Variants in BRINP3 observed in about 807,000 individuals in gnomAD.
BRINP3 encodes the protein BMP/retinoic acid inducible neural specific 3.
In BRINP3, 19 loss-of-function variants were observed where a neutral mutation model predicts 71.0. That is an observed-to-expected ratio of 0.27 (90% CI 0.19 to 0.39). BRINP3 has a LOEUF of 0.39. Among genes scored for constraint, BRINP3 ranks in the 10% least tolerant of loss-of-function variants. BRINP3 has a pLI of 1.00. For synonymous variants in BRINP3, 380 were observed against 337.7 expected, an observed-to-expected ratio of 1.13 and a Z score of -1.37; for missense variants, 959 against 940.8, an observed-to-expected ratio of 1.02 and a Z score of -0.25.
chr1:190,257,180 C>T (rs940062771), intron 4 of BRINP3, among the ~76,000 whole-genome samples: 5 of 152,082 alleles, frequency 3.3e-5, no homozygotes, highest in African/African-American at 7.2e-5. Flanking sequence ...AGGCTTTGTC[C>T]GTTTCTTTTT....
At chr1:190,339,916 A>G (rs893157080) in intron 2 of BRINP3, among the ~76,000 whole-genome samples, 8 of 151,936 alleles carry the variant, frequency 5.3e-5, no homozygotes, top group African/African-American at 1.9e-4. Flanking sequence ...TCTTCTGTCA[A>G]AAGGCATATA....
chr1:190,130,862 C>A (rs1654482254), intron 7 of BRINP3, among the ~76,000 whole-genome samples: 1 of 151,854 alleles, frequency 6.6e-6, no homozygotes, highest in Admixed American at 6.6e-5. Flanking sequence ...TGCTAATGTA[C>A]CAAGTAAACT....
At chr1:190,437,126 T>A (rs972363460) in intron 2 of BRINP3, among the ~76,000 whole-genome samples, 1 of 151,764 alleles carries the variant, frequency 6.6e-6, no homozygotes, top group African/African-American at 2.4e-5. Flanking sequence ...CATTAAAAAG[T>A]AAATGACTTC....
At chr1:190,418,378 A>C (rs1294960549) in intron 2 of BRINP3, among the ~76,000 whole-genome samples, 2 of 152,120 alleles carry the variant, frequency 1.3e-5, no homozygotes, top group Non-Finnish European at 2.9e-5. Context: ...TTAAAATGTT[A>C]GTCAATGTCA....
chr1:190,301,210 T>TATATACACACAGAC (rs766749833), intron 2 of BRINP3, among the ~76,000 whole-genome samples: 2 of 107,828 alleles, frequency 1.9e-5, no homozygotes, highest in Non-Finnish European at 3.5e-5. Context: ...CATACATATA[T>TATATACACACAGAC]ATATATATAT....
chr1:190,458,244 C>A (rs1270452205), intron 1 of BRINP3, among the ~76,000 whole-genome samples: 1 of 152,010 alleles, frequency 6.6e-6, no homozygotes, highest in East Asian at 1.9e-4. Flanking sequence ...AATCTTACCC[C>A]AAATTAAGTT....
intron 4 of BRINP3, among the ~76,000 whole-genome samples, chr1:190,255,236 C>CTTTTTTTTTTTTTT (rs201421106): frequency 7.4e-6 from 1 of 134,620 alleles, no homozygotes; most frequent in Admixed American, 7.4e-5. Flanking sequence ...AAAATTCTCT[C>CTTTTTTTTTTTTTT]TTTTTTTTTT....
intron 4 of BRINP3, among the ~76,000 whole-genome samples, chr1:190,261,242 AT>A (rs1661158796): frequency 6.6e-6 from 1 of 152,016 alleles, no homozygotes; most frequent in South Asian, 2.1e-4. Flanking sequence ...TGTTAGTATA[AT>A]TTTTTGAATA....
At chr1:190,332,439 C>A (rs1010363287) in intron 2 of BRINP3, among the ~76,000 whole-genome samples, 2 of 152,156 alleles carry the variant, frequency 1.3e-5, no homozygotes, top group East Asian at 3.9e-4. Flanking sequence ...TCCATTCTGA[C>A]AACTTCCCCA....
intron 7 of BRINP3, among the ~76,000 whole-genome samples, chr1:190,152,456 G>A (rs1656478366): frequency 1.3e-5 from 2 of 151,142 alleles, no homozygotes; most frequent in South Asian, 4.2e-4. Flanking sequence ...TAAATATAAT[G>A]AGATGATCAT....
intron 5 of BRINP3, among the ~76,000 whole-genome samples, chr1:190,229,178 C>G (rs192311449): frequency 6.6e-6 from 1 of 151,964 alleles, no homozygotes; most frequent in African/African-American, 2.4e-5. Flanking sequence ...GGCTCTGTGT[C>G]CCCCACAAAA....
chr1:190,278,566 T>C (rs564342625), intron 3 of BRINP3, among the ~76,000 whole-genome samples: 247 of 151,794 alleles, frequency 1.6e-3, no homozygotes, highest in African/African-American at 5.5e-3. Context: ...AATAATTTCA[T>C]GCATCTTAAC....
At chr1:190,124,378 C>T (rs867025530) in intron 7 of BRINP3, among the ~76,000 whole-genome samples, 1 of 152,050 alleles carries the variant, frequency 6.6e-6, no homozygotes, top group Non-Finnish European at 1.5e-5. Flanking sequence ...TTATAAATTA[C>T]CTGGTCAGTG....
At chr1:190,305,794 A>T (rs2103010812) in intron 2 of BRINP3, among the ~76,000 whole-genome samples, 1 of 151,988 alleles carries the variant, frequency 6.6e-6, no homozygotes, top group African/African-American at 2.4e-5. Flanking sequence ...GAGAGGTTTT[A>T]AAACCTCATT....
At chr1:190,327,352 G>GAAAAAAAAAAAAAAAA (rs796445574) in intron 2 of BRINP3, among the ~76,000 whole-genome samples, 10 of 77,414 alleles carry the variant, frequency 1.3e-4, no homozygotes, top group Non-Finnish European at 1.7e-4. Context: ...AAAAAAAAAG[G>GAAAAAAAAAAAAAAAA]AAAAAAAAAA....
intron 6 of BRINP3, among the ~76,000 whole-genome samples, chr1:190,178,516 T>C (rs1011085043): frequency 2.0e-5 from 3 of 152,138 alleles, no homozygotes; most frequent in African/African-American, 2.4e-5. Flanking sequence ...CTGTATAGGA[T>C]CTAGAAGAGT....
At chr1:190,141,808 A>G (rs1047792041) in intron 7 of BRINP3, among the ~76,000 whole-genome samples, 1 of 151,632 alleles carries the variant, frequency 6.6e-6, no homozygotes, top group African/African-American at 2.4e-5. Context: ...TCAGCCTGCC[A>G]CGGCCTCCAA....
At chr1:190,100,389 A>C (rs1034970874) in intron 7 of BRINP3, among the ~76,000 whole-genome samples, 3 of 152,092 alleles carry the variant, frequency 2.0e-5, no homozygotes, top group African/African-American at 7.2e-5. Flanking sequence ...TGTTTTTCTC[A>C]TTACATATAA....
chr1:190,403,746 A>C (rs1342507612), intron 2 of BRINP3, among the ~76,000 whole-genome samples: 3 of 152,210 alleles, frequency 2.0e-5, no homozygotes, highest in African/African-American at 4.8e-5. Context: ...AGCTTCTTCT[A>C]GTTTCAGAGT....
Sources: gnomAD v4.1 joint callset for allele counts (sites outside exome capture counted in the v4.1 genomes callset) on GRCh38, gnomAD v4.1.1 for gene constraint, MANE v1.5 for transcripts, NCBI Gene and HGNC (gene_info 2026-07-23, HGNC 2026-07-21) for gene names.